The following ARHGAP17 variants were observed in gnomAD, a reference collection of about 807,000 sequenced individuals.
ARHGAP17 encodes the protein rho GTPase-activating protein 17.
A neutral mutation model predicts 99.5 loss-of-function variants in ARHGAP17; 57 were observed. The observed-to-expected ratio is 0.57, with a 90% CI of 0.46 to 0.71. The LOEUF is 0.71. Ranked by LOEUF, ARHGAP17 falls within the 30% of genes least tolerant of loss-of-function variation. The probability of loss-of-function intolerance (pLI) is 0.00; values close to 1 mark genes in which losing one functional copy is unlikely to be tolerated. For missense variants in ARHGAP17, 1,000 were observed against 1,122.4 expected, an observed-to-expected ratio of 0.89 and a Z score of 1.56; for synonymous variants, 417 against 429.6, an observed-to-expected ratio of 0.97 and a Z score of 0.36.
intron 14 of ARHGAP17, among the ~76,000 whole-genome samples, chr16:24,945,399 T>G (rs143705942): frequency 1.3e-4 from 19 of 151,900 alleles, no homozygotes. Context: ...ATCAAGCTCC[T>G]GTTTCAGCTG....
At chr16:24,973,347 C>G (rs1003499247) in intron 3 of ARHGAP17, among the ~76,000 whole-genome samples, 1 of 152,124 alleles carries the variant, frequency 6.6e-6, no homozygotes, top group Non-Finnish European at 1.5e-5. Context: ...TGTTATGAGG[C>G]CTTTGGGAGG....
Position 25,008,240 on chromosome 16 carries a change from T to G in ARHGAP17, c.53+6969A>C, listed in dbSNP as rs376573305. Among the ~76,000 whole-genome samples, 5 of 152,312 alleles carry G rather than the reference T, an allele frequency of 3.3e-5. No homozygotes were observed. In the East Asian group the frequency reaches 9.6e-4, roughly 29 times the overall value. Reference sequence around the variant, plus strand: ...TTTGGCAATAAAAGTTGACCTGAACTGATATTAAACTATGCATAATCTTCA... The same window carrying G: ...TTTGGCAATAAAAGTTGACCTGAACGGATATTAAACTATGCATAATCTTCA... On this transcript the variant is annotated intron_variant, in intron 1 of 19. Coordinates refer to ENST00000289968, the MANE Select transcript of ARHGAP17 (RefSeq NM_001006634.3).
At chr16:24,961,879 C>G (rs1218043561) in intron 7 of ARHGAP17, among the ~76,000 whole-genome samples, 5 of 136,634 alleles carry the variant, frequency 3.7e-5, no homozygotes, top group Admixed American at 7.4e-5. Context: ...GTACGTATTT[C>G]CAATCTTCAA....
intron 1 of ARHGAP17, among the ~76,000 whole-genome samples, chr16:24,997,914 G>A (rs1292568493): frequency 1.3e-5 from 2 of 152,206 alleles, no homozygotes; most frequent in African/African-American, 2.4e-5. Flanking sequence ...GCACAGAAAA[G>A]ACATCTGGTC....
At chr16:24,964,059 A>G in intron 7 of ARHGAP17, 138 bp downstream of exon 7, 1 of 546,816 alleles carries the variant, frequency 1.8e-6, no homozygotes, top group Non-Finnish European at 3.1e-6. Context: ...CTTAGAGAAG[A>G]AGAAAATAAA....
rs1271344948 is a variant in ARHGAP17 at position 24,919,563 on chromosome 16, G to A, written c.*567C>T. On this transcript the variant is annotated 3_prime_UTR_variant, in exon 20 of 20. Coordinates refer to ENST00000289968, the MANE Select transcript of ARHGAP17 (RefSeq NM_001006634.3). ...CATGGGTCACATCCAGTTTGATGAG[G>A]TGACAGAGCCAGCAGTCACCATCCA... is the stretch of plus-strand genomic sequence containing the variant. 1 of 152,388 alleles carries A rather than the reference G, an allele frequency of 6.6e-6. No homozygotes were observed. Among genetic ancestry groups the A allele is most frequent in the Non-Finnish European group, 1.5e-5 (1 of 68,040 alleles). The allele number at this position is 152,388 out of a possible 1,614,324, so 9.4% of individuals were successfully genotyped here.
At chr16:24,964,429 T>C (rs2052110921) in intron 6 of ARHGAP17, 121 bp from the exon 7 acceptor site, 3 of 680,484 alleles carry the variant, frequency 4.4e-6, no homozygotes, top group Non-Finnish European at 7.7e-6. Flanking sequence ...GGGGTATCAT[T>C]GCCCAGGATG....
At chr16:24,961,872 C>T (rs1385114446) in intron 7 of ARHGAP17, among the ~76,000 whole-genome samples, 5 of 141,740 alleles carry the variant, frequency 3.5e-5, no homozygotes, top group African/African-American at 8.3e-5. Flanking sequence ...CAATTAGGTA[C>T]GTATTTCCAA....
intron 1 of ARHGAP17, among the ~76,000 whole-genome samples, chr16:24,992,946 T>C (rs1013399958): frequency 6.6e-6 from 1 of 152,170 alleles, no homozygotes; most frequent in Non-Finnish European, 1.5e-5. Flanking sequence ...ACTACAGGCA[T>C]ACACCACCAC....
chr16:24,941,975 GTCAAA>G lies in ARHGAP17; in HGVS notation c.1490+7_1490+11del, dbSNP rs1307105008. The G allele has an allele frequency of 6.2e-7, 1 of 1,613,842 alleles. No homozygotes were observed. The highest frequency in any genetic ancestry group is 8.5e-7 in the Non-Finnish European group (1 of 1,179,862). On this transcript the variant is annotated splice_region_variant and intron_variant, in intron 16 of 19. Coordinates refer to ENST00000289968, the MANE Select transcript of ARHGAP17 (RefSeq NM_001006634.3). ...TTTACTGCTGGTTTGGAAGTGAACG[GTCAAA>G]TCATACCTTTCCTTCTTCACCAAGT...
At chr16:24,929,415 C>A (rs1201071988) in intron 19 of ARHGAP17, among the ~76,000 whole-genome samples, 2 of 152,202 alleles carry the variant, frequency 1.3e-5, no homozygotes, top group African/African-American at 4.8e-5. Flanking sequence ...TGAAGCACTG[C>A]AGCTCAAAGT....
At chr16:24,971,969 G>A (rs1166625713) in intron 3 of ARHGAP17, among the ~76,000 whole-genome samples, 1 of 152,208 alleles carries the variant, frequency 6.6e-6, no homozygotes, top group Non-Finnish European at 1.5e-5. Flanking sequence ...GCAATTACAA[G>A]TGGGCTGGTT....
At chr16:24,979,857 C>T (rs1212761602) in intron 1 of ARHGAP17, among the ~76,000 whole-genome samples, 1 of 152,070 alleles carries the variant, frequency 6.6e-6, no homozygotes, top group Admixed American at 6.6e-5. Flanking sequence ...ATTATAGGCA[C>T]GTGCCACTTC....
intron 1 of ARHGAP17, among the ~76,000 whole-genome samples, chr16:24,996,360 G>A (rs1430413473): frequency 1.3e-5 from 2 of 152,118 alleles, no homozygotes; most frequent in African/African-American, 4.8e-5. Flanking sequence ...AGAGTCTTCT[G>A]GGGATGGAGC....
chr16:24,932,185 G>T (rs750707127), intron 18 of ARHGAP17, among the ~76,000 whole-genome samples: 1 of 152,052 alleles, frequency 6.6e-6, no homozygotes, highest in African/African-American at 2.4e-5. Flanking sequence ...ATGTGCCATG[G>T]TCATGTAACA....
chr16:24,930,763 G>A (rs758488679), intron 19 of ARHGAP17, 21 bp downstream of exon 19: 77 of 1,614,166 alleles, frequency 4.8e-5, no homozygotes, highest in East Asian at 1.3e-4. Flanking sequence ...GAGGAAATAC[G>A]GGCATTGATG....
At chr16:25,004,543 A>G (rs1326348005) in intron 1 of ARHGAP17, among the ~76,000 whole-genome samples, 4 of 152,242 alleles carry the variant, frequency 2.6e-5, no homozygotes, top group Non-Finnish European at 1.5e-5. Flanking sequence ...CTGACAGGTA[A>G]CAGCTGATGG....
chr16:24,934,049 GCA>G (rs2051068366), intron 18 of ARHGAP17, among the ~76,000 whole-genome samples: 1 of 152,220 alleles, frequency 6.6e-6, no homozygotes, highest in African/African-American at 2.4e-5. Flanking sequence ...CTGCAACCAA[GCA>G]GTGGACTCGG....
chr16:24,924,583 C>T (rs1415789339), intron 19 of ARHGAP17, among the ~76,000 whole-genome samples: 3 of 152,034 alleles, frequency 2.0e-5, no homozygotes, highest in African/African-American at 7.2e-5. Flanking sequence ...CAGGTTCTGG[C>T]TGGGTGTGGT....
Sources: allele counts gnomAD v4.1 joint callset (sites outside exome capture counted in the v4.1 genomes callset), GRCh38; gene constraint gnomAD v4.1.1; transcripts MANE v1.5; gene names NCBI Gene and HGNC (gene_info 2026-07-23, HGNC 2026-07-21).